The following SEMA5A variants were observed in gnomAD, a reference collection of about 807,000 sequenced individuals.
SEMA5A encodes the protein semaphorin 5A, also known as semaphorin-5A.
A neutral mutation model predicts 135.5 loss-of-function variants in SEMA5A; 55 were observed. The observed-to-expected ratio is 0.41, with a 90% confidence interval of 0.33 to 0.51. The LOEUF is 0.51. SEMA5A is among the 20% of genes least tolerant of loss of function. The pLI is 0.37. For synonymous variants in SEMA5A, 580 were observed against 546.5 expected (o/e 1.06, Z -0.85); for missense variants, 1,290 against 1,419.9 (o/e 0.91, Z 1.47).
At chr5:9,228,925 C>G (rs2150427961) in intron 6 of SEMA5A, among the ~76,000 whole-genome samples, 1 of 152,306 alleles carries the variant, frequency 6.6e-6, no homozygotes, top group Admixed American at 6.5e-5. Context: ...TACTGCATAG[C>G]ATCGAGACAG....
intron 2 of SEMA5A, among the ~76,000 whole-genome samples, chr5:9,425,133 C>T (rs559090525): frequency 6.6e-6 from 1 of 152,332 alleles, no homozygotes; most frequent in African/African-American, 2.4e-5. Context: ...GTCCCTTTCC[C>T]CACTACACAC....
At chr5:9,531,933 A>C (rs1459927828) in intron 1 of SEMA5A, among the ~76,000 whole-genome samples, 1 of 152,222 alleles carries the variant, frequency 6.6e-6, no homozygotes, top group East Asian at 1.9e-4. Flanking sequence ...CTAAGAAGAT[A>C]ATAGATGACC....
chr5:9,318,308 C>T (rs1335558240), intron 5 of SEMA5A, 64 bp downstream of exon 5: 1 of 1,476,776 alleles, frequency 6.8e-7, no homozygotes, highest in Non-Finnish European at 9.4e-7. Flanking sequence ...CTGTCTTCAT[C>T]CCCTCAAACA....
intron 11 of SEMA5A, among the ~76,000 whole-genome samples, chr5:9,184,896 G>A (rs1340330214): frequency 6.6e-6 from 1 of 152,042 alleles, no homozygotes; most frequent in African/African-American, 2.4e-5. Context: ...CTCAGCCCAG[G>A]CTCCCTCTTT....
intron 12 of SEMA5A, among the ~76,000 whole-genome samples, chr5:9,151,735 C>T (rs1006634319): frequency 2.6e-5 from 4 of 152,158 alleles, no homozygotes; most frequent in African/African-American, 9.7e-5. Flanking sequence ...AAAAACTAAC[C>T]CCCTCTGAGG....
At chr5:9,149,968 T>A (rs1313511028) in intron 12 of SEMA5A, among the ~76,000 whole-genome samples, 4 of 152,186 alleles carry the variant, frequency 2.6e-5, no homozygotes, top group Admixed American at 6.5e-5. Context: ...TCTTGGCTGC[T>A]CCATCCTGTG....
Position 9,484,704 on chromosome 5 carries a change from G to A in SEMA5A, c.-174-46852C>T, listed in dbSNP as rs3798040. On this transcript the variant is annotated intron_variant, in intron 1 of 22. Coordinates refer to ENST00000382496, the MANE Select transcript of SEMA5A (RefSeq NM_003966.3). ...TGAAGGTGTAATTAAGAAATGGCCT[G>A]ATTGATACCAGGCGAGTCGGTCTCA... Among the ~76,000 whole-genome samples the A allele has an allele frequency of 8.9e-3, 1,360 of 152,310 alleles. 13 individuals are homozygous for A. Among genetic ancestry groups the A allele is most frequent in the South Asian group, 0.043 (210 of 4,828 alleles).
Position 9,038,108 on chromosome 5 carries a change from G to A in SEMA5A, c.*4789C>T, listed in dbSNP as rs1391747513. The stretch of plus-strand genomic sequence containing the variant: ...CAACATGCTTCCCCAAGTGCATCAG[G>A]AAGTGATGAAGAAGTTAGGATGAAC... On this transcript the variant is annotated 3_prime_UTR_variant, in exon 23 of 23. Transcript: ENST00000382496. 6.6e-6 allele frequency: 1 copy of A among 152,214 alleles called. No individual in the cohort carries two copies. The highest frequency in any genetic ancestry group is 1.5e-5 in the Non-Finnish European group (1 of 68,038). The allele number at this position is 152,214 out of a possible 1,614,324, so 9.4% of individuals were successfully genotyped here.
intron 1 of SEMA5A, chr5:9,517,713 A>C (rs1387045457): frequency 6.6e-6 from 1 of 152,208 alleles, no homozygotes; most frequent in Admixed American, 6.5e-5. Context: ...TAAACCTATG[A>C]AGTTTATAAA....
At chr5:9,412,750 G>T (rs992601778) in intron 2 of SEMA5A, among the ~76,000 whole-genome samples, 1 of 151,976 alleles carries the variant, frequency 6.6e-6, no homozygotes. Flanking sequence ...ATAATTTTAT[G>T]CATGAAACAA....
At chr5:9,353,008 T>C (rs976783495) in intron 3 of SEMA5A, among the ~76,000 whole-genome samples, 2 of 143,910 alleles carry the variant, frequency 1.4e-5, no homozygotes, top group Non-Finnish European at 3.0e-5. Context: ...ATGCTAAGCA[T>C]AGTGTTTTAG....
At chr5:9,374,492 CCTA>C (rs1432935467) in intron 3 of SEMA5A, among the ~76,000 whole-genome samples, 1 of 152,206 alleles carries the variant, frequency 6.6e-6, no homozygotes, top group East Asian at 1.9e-4. Flanking sequence ...AGTGTTTCAT[CCTA>C]CTTTCTCAAA....
At position 9,108,298 on chromosome 5, in the gene SEMA5A, G is replaced by A. The variant is rs754142480; in HGVS notation, c.1926-11C>T. ...TGTTCATTGCAGTATCTGTAATGAG[G>A]AAACCAAAATGACAAGGAAACTAAT... is the stretch of plus-strand genomic sequence containing the variant. On this transcript the variant is annotated splice_polypyrimidine_tract_variant and intron_variant, in intron 15 of 22. Coordinates refer to ENST00000382496, the MANE Select transcript of SEMA5A (RefSeq NM_003966.3). The A allele has an allele frequency of 1.9e-6, 3 of 1,613,516 alleles. No individual in the cohort carries two copies. Among genetic ancestry groups the A allele is most frequent in the African/African-American group, 2.7e-5 (2 of 74,904 alleles).
chr5:9,074,472 A>T (rs1450730823), intron 16 of SEMA5A, among the ~76,000 whole-genome samples: 1 of 152,144 alleles, frequency 6.6e-6, no homozygotes, highest in Admixed American at 6.5e-5. Context: ...CCATCCATAA[A>T]ATAAAAAAAA....
chr5:9,469,311 A>G (rs1307527877), intron 1 of SEMA5A, among the ~76,000 whole-genome samples: 2 of 152,140 alleles, frequency 1.3e-5, no homozygotes, highest in Non-Finnish European at 2.9e-5. Flanking sequence ...CCGGCCAGCA[A>G]TGGATTTTAA....
At chr5:9,317,273 G>A (rs1294700753) in intron 5 of SEMA5A, among the ~76,000 whole-genome samples, 2 of 151,986 alleles carry the variant, frequency 1.3e-5, no homozygotes, top group Non-Finnish European at 2.9e-5. Flanking sequence ...AAAAAATCAA[G>A]AATAATAGAA....
chr5:9,196,565 A>G (rs774423832), intron 10 of SEMA5A, among the ~76,000 whole-genome samples: 6 of 152,280 alleles, frequency 3.9e-5, no homozygotes, highest in Admixed American at 1.3e-4. Context: ...CTCACCAAAC[A>G]TGAGTAAATT....
chr5:9,209,010 T>G (rs1306739805), intron 8 of SEMA5A, among the ~76,000 whole-genome samples: 3 of 152,308 alleles, frequency 2.0e-5, no homozygotes, highest in Admixed American at 2.0e-4. Context: ...TCCTTCTTCC[T>G]GGGGAATATG....
In SEMA5A at chr5:9,333,412, T is replaced by C. The variant is rs78266938; in HGVS notation, c.224+4301A>G. Among the ~76,000 whole-genome samples, 18 of 152,350 alleles carry C rather than the reference T, an allele frequency of 1.2e-4. No individual in the cohort carries two copies. In the East Asian group the frequency reaches 3.5e-3, roughly 29 times the overall value. On this transcript the variant is annotated intron_variant, in intron 4 of 22. Transcript: ENST00000382496. ...GTTAGTTGGCATTTGGAATAATACT[T>C]GGATTCAGCACAGAATACATATCAG...
Sources: allele counts gnomAD v4.1 joint callset (sites outside exome capture counted in the v4.1 genomes callset), GRCh38; gene constraint gnomAD v4.1.1; transcripts MANE v1.5; gene names NCBI Gene and HGNC (gene_info 2026-07-23, HGNC 2026-07-21).